Variants in ANKFN1 observed in about 807,000 individuals in gnomAD.
ANKFN1 encodes ankyrin repeat and fibronectin type-III domain-containing protein 1.
ANKFN1 carries 74 observed loss-of-function variants against 108.7 expected under a neutral mutation model. The observed-to-expected ratio is 0.68, with a 90% CI of 0.56 to 0.83. ANKFN1 has a LOEUF of 0.83. ANKFN1 is among the 40% of genes least tolerant of loss of function. The probability of loss-of-function intolerance (pLI) is 0.00; values close to 1 mark genes in which losing one functional copy is unlikely to be tolerated. For missense variants in ANKFN1, 1,505 were observed against 1,382.3 expected (o/e 1.09, Z -1.41); for synonymous variants, 547 against 516.2 (o/e 1.06, Z -0.81).
In ANKFN1 at chr17:56,510,538, G is replaced by T; in HGVS notation, c.2710G>T (p.Asp904Tyr). Residue 904 changes from aspartate to tyrosine, a missense_variant, in exon 21 of 21, where the codon GAC becomes TAC. Physicochemically the swap from Asp to Tyr is radical, Grantham distance 160. Transcript: ENST00000682825. ...CTTCCTCCCCACCAACAGTGACTAC[G>T]ACTCCAGCGATGCCCTGAGCCCCAG... ...EVFLPTNSDY[D>Y]SSDALSPRDL... The T allele has an allele frequency of 1.3e-6, 2 of 1,536,136 alleles. No individual in the cohort carries two copies. The highest frequency in any genetic ancestry group is 8.7e-7 in the Non-Finnish European group (1 of 1,146,910).
At chr17:56,073,934 T>G (rs1431315) in intron 4 of ANKFN1, among the ~76,000 whole-genome samples, 35,824 of 152,068 alleles carry the variant, frequency 0.24, 6,252 homozygotes, top group African/African-American at 0.49. Flanking sequence ...TTTCCACCTT[T>G]TGGAGATTGT....
chr17:56,278,098 A>G (rs1389758519), intron 3 of ANKFN1, among the ~76,000 whole-genome samples: 3 of 152,338 alleles, frequency 2.0e-5, no homozygotes, highest in African/African-American at 7.2e-5. Flanking sequence ...GTTAAAAGCA[A>G]TTCCCAATAA....
In ANKFN1 at chr17:56,516,284, G is replaced by A. The variant is rs951140765; in HGVS notation, c.*5015G>A. On this transcript the variant is annotated 3_prime_UTR_variant, in exon 21 of 21. Transcript: ENST00000682825. ...TGTGTGTGTGTGTGTGTGTGTGTGC[G>A]TGTGTGGTGGTGTCAGAGAGATGTT... is the stretch of plus-strand genomic sequence containing the variant. Among the ~76,000 whole-genome samples, 4 of 151,940 alleles carry A rather than the reference G, an allele frequency of 2.6e-5. No individual in the cohort carries two copies. Among genetic ancestry groups the A allele is most frequent in the African/African-American group, 4.8e-5 (2 of 41,328 alleles).
intron 3 of ANKFN1, among the ~76,000 whole-genome samples, chr17:56,263,054 G>C (rs2043560564): frequency 6.6e-6 from 1 of 152,200 alleles, no homozygotes; most frequent in South Asian, 2.1e-4. Flanking sequence ...ACGAATATAT[G>C]CTTAATTTTA....
At chr17:56,142,913 A>G (rs1201894975) in intron 4 of ANKFN1, among the ~76,000 whole-genome samples, 1 of 151,414 alleles carries the variant, frequency 6.6e-6, no homozygotes, top group African/African-American at 2.4e-5. Context: ...ATGATTCCCC[A>G]CTCCCACCAT....
At chr17:56,292,688 G>A (rs1166652815) in intron 3 of ANKFN1, among the ~76,000 whole-genome samples, 2 of 152,044 alleles carry the variant, frequency 1.3e-5, no homozygotes, top group Non-Finnish European at 2.9e-5. Flanking sequence ...AGTGAATCAA[G>A]CAAATGTAGC....
chr17:56,351,119 C>T (rs2046237214), intron 5 of ANKFN1, 152 bp downstream of exon 5: 1 of 714,852 alleles, frequency 1.4e-6, no homozygotes, highest in Non-Finnish European at 2.3e-6. Flanking sequence ...AGTAACTGTA[C>T]ATATTTATGT....
chr17:56,459,049 T>C (rs112214116), intron 14 of ANKFN1, among the ~76,000 whole-genome samples: 402 of 152,318 alleles, frequency 2.6e-3, no homozygotes, highest in Middle Eastern at 0.01. Context: ...TAGCTTGCTG[T>C]TTTGTATGCT....
chr17:56,460,984 A>G (rs2049885378), intron 14 of ANKFN1, among the ~76,000 whole-genome samples: 1 of 152,240 alleles, frequency 6.6e-6, no homozygotes, highest in Non-Finnish European at 1.5e-5. Context: ...ACCAGAAACC[A>G]GAAGCAGATG....
At chr17:56,217,233 C>T (rs1788694003) in intron 2 of ANKFN1, among the ~76,000 whole-genome samples, 1 of 152,186 alleles carries the variant, frequency 6.6e-6, no homozygotes, top group African/African-American at 2.4e-5. Context: ...TACTGTTCAA[C>T]AAACTCCCCC....
intron 8 of ANKFN1, among the ~76,000 whole-genome samples, chr17:56,393,440 G>A (rs1355022798): frequency 6.6e-6 from 1 of 152,134 alleles, no homozygotes; most frequent in Non-Finnish European, 1.5e-5. Context: ...TTTTCACTCA[G>A]CACATTAGAC....
At chr17:56,459,066 G>T (rs1304575798) in intron 14 of ANKFN1, among the ~76,000 whole-genome samples, 1 of 152,170 alleles carries the variant, frequency 6.6e-6, no homozygotes, top group East Asian at 1.9e-4. Context: ...TGCTCAGTGA[G>T]ATTTTAGCAA....
At chr17:56,064,425 G>A (rs1211816134) in intron 4 of ANKFN1, among the ~76,000 whole-genome samples, 1 of 152,228 alleles carries the variant, frequency 6.6e-6, no homozygotes, top group African/African-American at 2.4e-5. Flanking sequence ...CTGAGCCTCT[G>A]GCTGGAGTTA....
intron 1 of ANKFN1, among the ~76,000 whole-genome samples, chr17:56,194,157 C>G (rs566802214): frequency 2.6e-5 from 4 of 152,184 alleles, no homozygotes; most frequent in Non-Finnish European, 5.9e-5. Flanking sequence ...AATAGGAACT[C>G]TATTCATTGC....
chr17:56,279,595 T>C (rs1054776120), intron 3 of ANKFN1, among the ~76,000 whole-genome samples: 4 of 152,146 alleles, frequency 2.6e-5, no homozygotes, highest in Non-Finnish European at 5.9e-5. Context: ...TCCCCCTCTC[T>C]CTGTTTTTTC....
intron 11 of ANKFN1, among the ~76,000 whole-genome samples, chr17:56,450,584 C>G (rs1264407160): frequency 2.6e-5 from 4 of 152,160 alleles, no homozygotes; most frequent in Non-Finnish European, 4.4e-5. Flanking sequence ...CCACACTGAC[C>G]AAAGTCTAGT....
intron 3 of ANKFN1, among the ~76,000 whole-genome samples, chr17:56,321,944 T>C (rs2045379993): frequency 6.6e-6 from 1 of 152,124 alleles, no homozygotes; most frequent in African/African-American, 2.4e-5. Context: ...CCGCAGACTC[T>C]CACATTTCAT....
At chr17:56,404,372 G>A (rs1211394762) in intron 8 of ANKFN1, among the ~76,000 whole-genome samples, 2 of 151,932 alleles carry the variant, frequency 1.3e-5, no homozygotes, top group Non-Finnish European at 2.9e-5. Flanking sequence ...TTATTCTTTT[G>A]TCTTTGTTAG....
chr17:56,421,796 A>C (rs905931699), intron 8 of ANKFN1, among the ~76,000 whole-genome samples: 5 of 152,168 alleles, frequency 3.3e-5, no homozygotes, highest in African/African-American at 9.7e-5. Context: ...CATTTTACTC[A>C]TTAGGAATCA....
Sources: gnomAD v4.1 joint callset for allele counts (sites outside exome capture counted in the v4.1 genomes callset) on GRCh38, gnomAD v4.1.1 for gene constraint, MANE v1.5 for transcripts, NCBI Gene and HGNC (gene_info 2026-07-23, HGNC 2026-07-21) for gene names.